The following VSTM2A variants were observed in gnomAD, a reference collection of about 807,000 sequenced individuals.
VSTM2A encodes V-set and transmembrane domain-containing protein 2A.
A neutral mutation model predicts 27.3 loss-of-function variants in VSTM2A; 13 were observed. The observed-to-expected ratio is 0.48, with a 90% CI of 0.31 to 0.76. The LOEUF (loss-of-function observed/expected upper bound fraction) is 0.76. VSTM2A is among the 30% of genes least tolerant of loss of function. The pLI is 0.05. For synonymous variants in VSTM2A, 142 were observed against 125.7 expected (o/e 1.13, Z -0.87); for missense variants, 280 against 310.0 (o/e 0.90, Z 0.73).
intron 4 of VSTM2A, chr7:54,553,842 A>C: frequency 5.8e-6 from 9 of 1,551,010 alleles, no homozygotes; most frequent in Non-Finnish European, 7.8e-6. Flanking sequence ...GTCATTCTCT[A>C]CTTGTTTCTT....
chr7:54,550,397 C>A, intron 4 of VSTM2A: 4 of 1,254,596 alleles, frequency 3.2e-6, no homozygotes, highest in Non-Finnish European at 4.2e-6. Flanking sequence ...ATTTCCAGGG[C>A]ATCTGAGAGC....
At chr7:54,553,886 A>T (rs1788266710) in intron 4 of VSTM2A, 1 of 1,551,232 alleles carries the variant, frequency 6.4e-7, no homozygotes, top group Non-Finnish European at 8.7e-7. Flanking sequence ...TCCTTCCAGA[A>T]GTCAAACATC....
rs147105190 is a variant in VSTM2A, at chr7:54,554,306, T to A, written c.634+4136T>A. On this transcript the variant is annotated intron_variant, in intron 4 of 4. Transcript: ENST00000402613. ...TTATTGGCCTCCTCCCCAACTAAAT[T>A]CCTCTCTTAAATATAGTTCTTTTCC... Among the ~76,000 whole-genome samples, 43 of 152,266 alleles carry A rather than the reference T, an allele frequency of 2.8e-4. No individual in the cohort carries two copies. The East Asian group carries it at 7.7e-3, about 27-fold the overall frequency.
At chr7:54,549,778 G>A in intron 3 of VSTM2A, 56 bp from the exon 4 acceptor site, 1 of 1,463,726 alleles carries the variant, frequency 6.8e-7, no homozygotes, top group Non-Finnish European at 9.1e-7. Context: ...GGTAAAAAAT[G>A]GAACAAAATC....
chr7:54,542,888 G>A, intron 1 of VSTM2A, 79 bp downstream of exon 1: 4 of 1,338,416 alleles, frequency 3.0e-6, no homozygotes, highest in Admixed American at 1.8e-5. Context: ...TGGACAGGCA[G>A]ATAGAATAAG....
At chr7:54,553,917 G>A in intron 4 of VSTM2A, 1 of 1,551,252 alleles carries the variant, frequency 6.4e-7, no homozygotes, top group Non-Finnish European at 8.7e-7. Context: ...ACCTCTACTA[G>A]TCCTTCCTTT....
chr7:54,546,880 T>C (rs1021601810), intron 2 of VSTM2A, 67 bp from the exon 3 acceptor site: 6 of 1,589,180 alleles, frequency 3.8e-6, no homozygotes, highest in Non-Finnish European at 5.1e-6. Flanking sequence ...GCGAAGGCTA[T>C]GCTCGCGTGG....
chr7:54,542,930 TATAA>T, intron 1 of VSTM2A, 121 bp downstream of exon 1: 1 of 901,722 alleles, frequency 1.1e-6, no homozygotes, highest in Middle Eastern at 2.2e-4. Flanking sequence ...GCTTAGGCTG[TATAA>T]ATAGTGTTCT....
Position 54,570,035 on chromosome 7 carries a change from C to G in VSTM2A, c.*816C>G, listed in dbSNP as rs1271383807. 1 of 152,144 alleles carries G rather than the reference C, an allele frequency of 6.6e-6. No homozygotes were observed. Among genetic ancestry groups the G allele is most frequent in the Non-Finnish European group, 1.5e-5 (1 of 68,024 alleles). The allele number at this position is 152,144 out of a possible 1,614,324, so 9.4% of individuals were successfully genotyped here. Reference sequence around the variant, plus strand: ...GCGTGAATTTTGTAATTCATTGTTTCACTTCCACAGGTTTGACAGCTGCAG... The same window carrying G: ...GCGTGAATTTTGTAATTCATTGTTTGACTTCCACAGGTTTGACAGCTGCAG... On this transcript the variant is annotated 3_prime_UTR_variant, in exon 5 of 5. Transcript: ENST00000402613.
intron 4 of VSTM2A, chr7:54,553,780 A>G (rs1788260931): frequency 6.6e-7 from 1 of 1,521,510 alleles, no homozygotes; most frequent in South Asian, 1.3e-5. Flanking sequence ...TTCGCAGAGA[A>G]CACAGGACTC....
intron 4 of VSTM2A, among the ~76,000 whole-genome samples, chr7:54,561,628 GTTAC>G (rs527379982): frequency 2.5e-3 from 386 of 152,188 alleles, no homozygotes; most frequent in African/African-American, 8.8e-3. Flanking sequence ...AATATTTCTA[GTTAC>G]TTAATGCTGA....
intron 2 of VSTM2A, 128 bp from the exon 3 acceptor site, chr7:54,546,819 C>CCCTGGTCGCTCCCCTGTCT: frequency 7.8e-7 from 1 of 1,289,444 alleles, no homozygotes; most frequent in Non-Finnish European, 1.1e-6. Flanking sequence ...GTGGCCACGC[C>CCCTGGTCGCTCCCCTGTCT]CCTGGTCGCT....
At chr7:54,543,719 T>G (rs904575371) in intron 1 of VSTM2A, among the ~76,000 whole-genome samples, 1 of 152,162 alleles carries the variant, frequency 6.6e-6, no homozygotes, top group Non-Finnish European at 1.5e-5. Context: ...CATACAAATC[T>G]TCCCAGGACT....
chr7:54,546,920 G>C (rs1399843359), intron 2 of VSTM2A, 27 bp from the exon 3 acceptor site: 1 of 1,598,486 alleles, frequency 6.3e-7, no homozygotes, highest in Non-Finnish European at 8.5e-7. Context: ...CCTGGCGCGG[G>C]ACTGAGCGTT....
At chr7:54,551,836 C>T (rs190273115) in intron 4 of VSTM2A, 1 of 152,230 alleles carries the variant, frequency 6.6e-6, no homozygotes, top group African/African-American at 2.4e-5. Flanking sequence ...TATTATTATC[C>T]TACATAGACT....
chr7:54,545,492 A>G (rs1268250175), intron 2 of VSTM2A, among the ~76,000 whole-genome samples: 2 of 110,716 alleles, frequency 1.8e-5, no homozygotes, highest in Non-Finnish European at 3.7e-5. Context: ...AGAGGGAGAG[A>G]GGGAGTGAGG....
intron 4 of VSTM2A, among the ~76,000 whole-genome samples, chr7:54,568,289 C>A (rs955865206): frequency 6.6e-6 from 1 of 152,148 alleles, no homozygotes; most frequent in Non-Finnish European, 1.5e-5. Flanking sequence ...ACACTTACCC[C>A]CTTCGAACAC....
Position 54,548,749 on chromosome 7 carries a change from G to A in VSTM2A, c.298-1085G>A, listed in dbSNP as rs914292916. ...ACACATAAACCCATAGGGTTCAAAT[G>A]TTGGAAATTATTTGTATATATACCT... On this transcript the variant is annotated intron_variant, in intron 3 of 4. Transcript: ENST00000402613. 2.0e-5 allele frequency among the ~76,000 whole-genome samples: 3 copies of A among 152,000 alleles called. No individual in the cohort carries two copies. In the East Asian group the frequency reaches 5.8e-4, roughly 29 times the overall value.
Position 54,569,351 on chromosome 7 carries a change from T to TCTA in VSTM2A, c.*132_*133insCTA. The stretch of plus-strand genomic sequence containing the variant: ...GAATTAACGTGAAGTGATAGAACGT[T>TCTA]TTCTAATAGCAAGATCTATTTTTTC... On this transcript the variant is annotated 3_prime_UTR_variant, in exon 5 of 5. Coordinates refer to ENST00000402613, the MANE Select transcript of VSTM2A (RefSeq NM_001301009.2). 7.0e-7 allele frequency: 1 copy of TCTA among 1,426,618 alleles called. No individual in the cohort carries two copies. Among genetic ancestry groups the TCTA allele is most frequent in the Admixed American group, 2.6e-5 (1 of 38,730 alleles). The allele number at this position is 1,426,618 out of a possible 1,614,324, so 88.4% of individuals were successfully genotyped here. A position where few individuals can be genotyped will look rare whatever the true frequency, so the allele number is the denominator to read the frequency against.
Sources: gnomAD v4.1 joint callset for allele counts (sites outside exome capture counted in the v4.1 genomes callset) on GRCh38, gnomAD v4.1.1 for gene constraint, MANE v1.5 for transcripts, NCBI Gene and HGNC (gene_info 2026-07-23, HGNC 2026-07-21) for gene names.